Variants in GRID2 observed in about 807,000 individuals in gnomAD.
GRID2 encodes glutamate ionotropic receptor delta type subunit 2.
In GRID2, 33 loss-of-function variants were observed where a neutral mutation model predicts 114.8. The observed-to-expected ratio is 0.29, with a 90% CI of 0.22 to 0.38. GRID2 has a LOEUF of 0.38. GRID2 is among the 10% of genes least tolerant of loss of function. GRID2 has a pLI of 1.00. For synonymous variants in GRID2, 505 were observed against 449.9 expected (o/e 1.12, Z -1.55); for missense variants, 1,184 against 1,257.7 (o/e 0.94, Z 0.89).
At chr4:92,396,499 A>T (rs1730498463) in intron 1 of GRID2, among the ~76,000 whole-genome samples, 1 of 151,968 alleles carries the variant, frequency 6.6e-6, no homozygotes, top group South Asian at 2.1e-4. Flanking sequence ...TCAATAAGCA[A>T]TTTTTAAGCT....
At chr4:93,028,247 T>C (rs1287156572) in intron 2 of GRID2, among the ~76,000 whole-genome samples, 2 of 152,274 alleles carry the variant, frequency 1.3e-5, no homozygotes, top group African/African-American at 4.8e-5. Context: ...AGTCAGGCAC[T>C]GACAGGTGTA....
chr4:92,315,254 T>G (rs1725906761), intron 1 of GRID2, among the ~76,000 whole-genome samples: 1 of 152,196 alleles, frequency 6.6e-6, no homozygotes, highest in African/African-American at 2.4e-5. Context: ...TTTCATCATA[T>G]GGAAACAATG....
intron 8 of GRID2, among the ~76,000 whole-genome samples, chr4:93,340,780 C>T (rs1163926001): frequency 6.6e-6 from 1 of 152,148 alleles, no homozygotes; most frequent in Non-Finnish European, 1.5e-5. Flanking sequence ...ACCTAGAGCT[C>T]TCAGAGGGCT....
At chr4:93,087,730 C>T (rs1730453049) in intron 3 of GRID2, among the ~76,000 whole-genome samples, 3 of 152,100 alleles carry the variant, frequency 2.0e-5, no homozygotes, top group South Asian at 4.1e-4. Flanking sequence ...ATTTCTGCTT[C>T]TATCACTAAC....
At chr4:92,777,736 A>G (rs1467872966) in intron 2 of GRID2, among the ~76,000 whole-genome samples, 2 of 106,296 alleles carry the variant, frequency 1.9e-5, no homozygotes, top group South Asian at 5.5e-4. Flanking sequence ...ATGTGCACAG[A>G]AAAAAAAAAA....
chr4:92,853,661 T>C (rs777742376), intron 2 of GRID2, among the ~76,000 whole-genome samples: 48 of 152,026 alleles, frequency 3.2e-4, no homozygotes, highest in Non-Finnish European at 5.7e-4. Flanking sequence ...TTAAAATTAT[T>C]TTTGAGTGAA....
At chr4:92,974,696 G>GT (rs1753742753) in intron 2 of GRID2, among the ~76,000 whole-genome samples, 1 of 151,882 alleles carries the variant, frequency 6.6e-6, no homozygotes, top group African/African-American at 2.4e-5. Context: ...GGGGTAGGGG[G>GT]GTAGGGGAGG....
chr4:92,410,285 A>C (rs568050248), intron 1 of GRID2, among the ~76,000 whole-genome samples: 6 of 152,330 alleles, frequency 3.9e-5, no homozygotes, highest in African/African-American at 1.4e-4. Context: ...TTCGTGTTAC[A>C]CTACATTTGT....
At chr4:93,510,992 G>A (rs1030619578) in intron 12 of GRID2, among the ~76,000 whole-genome samples, 9 of 151,902 alleles carry the variant, frequency 5.9e-5, no homozygotes, top group African/African-American at 1.9e-4. Flanking sequence ...ACTGGAGTGC[G>A]GTGGCACAGT....
chr4:93,482,502 C>G (rs1232835760), intron 11 of GRID2, among the ~76,000 whole-genome samples: 1 of 151,686 alleles, frequency 6.6e-6, no homozygotes, highest in Non-Finnish European at 1.5e-5. Context: ...CACATGGACA[C>G]GGAGGGAAAC....
At chr4:92,819,774 T>C (rs1346482594) in intron 2 of GRID2, among the ~76,000 whole-genome samples, 1 of 152,174 alleles carries the variant, frequency 6.6e-6, no homozygotes, top group Non-Finnish European at 1.5e-5. Flanking sequence ...ATATTTTTTT[T>C]CTTTTCATAT....
At chr4:92,979,610 T>C (rs1470112375) in intron 2 of GRID2, among the ~76,000 whole-genome samples, 2 of 152,146 alleles carry the variant, frequency 1.3e-5, no homozygotes, top group East Asian at 1.9e-4. Flanking sequence ...CAATGACATA[T>C]CCAACCTCAT....
chr4:93,344,394 G>A (rs1182454960), intron 8 of GRID2, among the ~76,000 whole-genome samples: 1 of 151,618 alleles, frequency 6.6e-6, no homozygotes, highest in African/African-American at 2.4e-5. Flanking sequence ...CCTCAACTGT[G>A]GCCATGGGTG....
At chr4:93,754,183 T>C (rs911475841) in intron 14 of GRID2, among the ~76,000 whole-genome samples, 1 of 151,296 alleles carries the variant, frequency 6.6e-6, no homozygotes, top group East Asian at 2.4e-4. Flanking sequence ...GGACCACTCT[T>C]ATATATATGG....
intron 9 of GRID2, among the ~76,000 whole-genome samples, chr4:93,398,149 A>ATATATATATATATATATATATATATATC (rs1560579261): frequency 6.9e-6 from 1 of 145,314 alleles, no homozygotes; most frequent in African/African-American, 2.7e-5. Flanking sequence ...ATATATATAT[A>ATATATATATATATATATATATATATATC]TATCTTATCA....
intron 1 of GRID2, among the ~76,000 whole-genome samples, chr4:92,318,060 T>G (rs1726092035): frequency 6.6e-6 from 1 of 152,200 alleles, no homozygotes; most frequent in Admixed American, 6.5e-5. Flanking sequence ...TATACCCTGT[T>G]GACCTCCTGT....
intron 10 of GRID2, among the ~76,000 whole-genome samples, chr4:93,432,690 A>G (rs1489274965): frequency 6.6e-6 from 1 of 152,184 alleles, no homozygotes. Flanking sequence ...CACTGCTGAC[A>G]TTATACACTT....
At chr4:92,845,553 CAT>C (rs757251960) in intron 2 of GRID2, among the ~76,000 whole-genome samples, 7 of 152,048 alleles carry the variant, frequency 4.6e-5, no homozygotes, top group Non-Finnish European at 1.0e-4. Context: ...TTTAAAAAAA[CAT>C]AGTAAATATA....
chr4:92,965,103 C>A (rs1280025241), intron 2 of GRID2, among the ~76,000 whole-genome samples: 1 of 151,756 alleles, frequency 6.6e-6, no homozygotes, highest in Non-Finnish European at 1.5e-5. Flanking sequence ...CATGTAGAGA[C>A]CATTTGCAGA....
Sources: allele counts gnomAD v4.1 joint callset (sites outside exome capture counted in the v4.1 genomes callset), GRCh38; gene constraint gnomAD v4.1.1; transcripts MANE v1.5; gene names NCBI Gene and HGNC (gene_info 2026-07-23, HGNC 2026-07-21).